Variants in TSHZ2 observed in about 807,000 individuals in gnomAD.
TSHZ2 encodes the protein teashirt homolog 2.
In TSHZ2, 21 loss-of-function variants were observed where a neutral mutation model predicts 74.4. That is an observed-to-expected ratio of 0.28 (90% CI 0.20 to 0.41). The LOEUF is 0.41. TSHZ2 is among the 10% of genes least tolerant of loss of function. The pLI, the probability that TSHZ2 is intolerant of heterozygous loss-of-function variation, is 1.00. For missense variants in TSHZ2, 1,244 were observed against 1,293.5 expected (o/e 0.96, Z 0.59); for synonymous variants, 540 against 515.3 (o/e 1.05, Z -0.65).
chr20:53,181,978 G>T (rs1190531856), intron 1 of TSHZ2, among the ~76,000 whole-genome samples: 1 of 152,162 alleles, frequency 6.6e-6, no homozygotes, highest in Non-Finnish European at 1.5e-5. Context: ...AGCAACATGT[G>T]GGCCTCAATT....
intron 2 of TSHZ2, among the ~76,000 whole-genome samples, chr20:53,473,885 T>C (rs1173093855): frequency 6.6e-6 from 1 of 151,934 alleles, no homozygotes; most frequent in African/African-American, 2.4e-5. Context: ...AGCGATGCAA[T>C]CAACTGGAAG....
At chr20:53,208,838 G>A (rs1035287011) in intron 1 of TSHZ2, 1 of 152,252 alleles carries the variant, frequency 6.6e-6, no homozygotes, top group African/African-American at 2.4e-5. Flanking sequence ...CCTTATGCCA[G>A]AAACACAGTA....
At chr20:53,341,571 C>T (rs1980204883) in intron 2 of TSHZ2, among the ~76,000 whole-genome samples, 1 of 152,028 alleles carries the variant, frequency 6.6e-6, no homozygotes, top group South Asian at 2.1e-4. Flanking sequence ...GCAATCCTCC[C>T]ATCTCAGCCT....
chr20:53,378,394 G>C (rs1422409399), intron 2 of TSHZ2, among the ~76,000 whole-genome samples: 1 of 149,804 alleles, frequency 6.7e-6, no homozygotes, highest in Admixed American at 6.7e-5. Flanking sequence ...ACCTAATGCA[G>C]AGCACAAGCT....
intron 1 of TSHZ2, among the ~76,000 whole-genome samples, chr20:53,049,292 G>A (rs763621347): frequency 2.6e-5 from 4 of 151,948 alleles, no homozygotes; most frequent in Non-Finnish European, 2.9e-5. Flanking sequence ...ATTCCTTCTA[G>A]TTTCCCTCAT....
chr20:53,225,932 T>C (rs1989674742), intron 1 of TSHZ2, among the ~76,000 whole-genome samples: 1 of 152,194 alleles, frequency 6.6e-6, no homozygotes, highest in African/African-American at 2.4e-5. Context: ...AATTCTACTA[T>C]GGATGTATTT....
chr20:53,219,130 A>G (rs372992133), intron 1 of TSHZ2, among the ~76,000 whole-genome samples: 48 of 152,318 alleles, frequency 3.2e-4, no homozygotes, highest in African/African-American at 1.1e-3. Flanking sequence ...CAGTATTTCC[A>G]TAGAAAGCCA....
intron 1 of TSHZ2, among the ~76,000 whole-genome samples, chr20:53,235,729 A>T (rs922176520): frequency 5.3e-5 from 8 of 152,202 alleles, no homozygotes; most frequent in African/African-American, 1.9e-4. Flanking sequence ...AGCTATTTAG[A>T]TTTACAATCT....
At chr20:53,029,566 C>A (rs994767583) in intron 1 of TSHZ2, among the ~76,000 whole-genome samples, 1 of 152,156 alleles carries the variant, frequency 6.6e-6, no homozygotes, top group African/African-American at 2.4e-5. Context: ...ATCCCAGCTA[C>A]TTGGGAAGCT....
At chr20:53,459,164 G>A (rs1363856300) in intron 2 of TSHZ2, among the ~76,000 whole-genome samples, 1 of 152,170 alleles carries the variant, frequency 6.6e-6, no homozygotes, top group African/African-American at 2.4e-5. Flanking sequence ...GGGTGTTAAA[G>A]ACTCGCATTA....
intron 1 of TSHZ2, among the ~76,000 whole-genome samples, chr20:53,131,819 A>AC (rs34289663): frequency 1.7e-3 from 163 of 95,374 alleles, no homozygotes; most frequent in Non-Finnish European, 2.5e-3. Flanking sequence ...TTGAATGACA[A>AC]CCCCCCCCCC....
At chr20:53,249,316 C>T (rs753427216) in intron 1 of TSHZ2, among the ~76,000 whole-genome samples, 18 of 152,216 alleles carry the variant, frequency 1.2e-4, no homozygotes, top group Non-Finnish European at 2.4e-4. Flanking sequence ...TCTATTCATT[C>T]ATTAACTCAA....
At chr20:53,321,883 C>T (rs6013660) in intron 2 of TSHZ2, among the ~76,000 whole-genome samples, 1 of 152,040 alleles carries the variant, frequency 6.6e-6, no homozygotes, top group Admixed American at 6.5e-5. Context: ...AGGCACAAGC[C>T]TGATTTTCAT....
chr20:53,249,431 A>C (rs1318118541), intron 1 of TSHZ2, among the ~76,000 whole-genome samples: 2 of 152,214 alleles, frequency 1.3e-5, no homozygotes, highest in South Asian at 2.1e-4. Flanking sequence ...CAGTAGAAGA[A>C]GACATCAATC....
intron 1 of TSHZ2, among the ~76,000 whole-genome samples, chr20:53,184,706 T>A (rs6022327): frequency 0.032 from 4,900 of 152,244 alleles, 266 homozygotes; most frequent in African/African-American, 0.11. Context: ...GTTTTTAATT[T>A]TTCTAATTTT....
chr20:53,313,956 G>C (rs1291516078), intron 2 of TSHZ2, among the ~76,000 whole-genome samples: 1 of 152,064 alleles, frequency 6.6e-6, no homozygotes, highest in Non-Finnish European at 1.5e-5. Context: ...TTGTTTATTG[G>C]TTCCATTATA....
intron 2 of TSHZ2, among the ~76,000 whole-genome samples, chr20:53,317,453 CT>C (rs1274566257): frequency 6.6e-6 from 1 of 152,128 alleles, no homozygotes; most frequent in Non-Finnish European, 1.5e-5. Context: ...AGTGGAAAGG[CT>C]GTGAAATACT....
At chr20:53,005,275 G>A (rs1982599982) in intron 1 of TSHZ2, among the ~76,000 whole-genome samples, 1 of 152,194 alleles carries the variant, frequency 6.6e-6, no homozygotes, top group East Asian at 1.9e-4. Context: ...ATCACACCGT[G>A]CACTCCAGCC....
intron 2 of TSHZ2, among the ~76,000 whole-genome samples, chr20:53,299,258 T>A (rs1400150900): frequency 6.6e-6 from 1 of 152,214 alleles, no homozygotes; most frequent in East Asian, 1.9e-4. Flanking sequence ...AGGCAACTAA[T>A]TGGATAATTC....
Sources: gnomAD v4.1 joint callset for allele counts (sites outside exome capture counted in the v4.1 genomes callset) on GRCh38, gnomAD v4.1.1 for gene constraint, MANE v1.5 for transcripts, NCBI Gene and HGNC (gene_info 2026-07-23, HGNC 2026-07-21) for gene names.